The following NCOA2 variants were observed in gnomAD, a reference collection of about 807,000 sequenced individuals.
NCOA2 encodes class E basic helix-loop-helix protein 75.
In NCOA2, 21 loss-of-function variants were observed where a neutral mutation model predicts 145.1. That is an observed-to-expected ratio of 0.14 (90% CI 0.10 to 0.21). NCOA2 has a LOEUF of 0.21. Among genes scored for constraint, NCOA2 ranks in the 10% least tolerant of loss-of-function variants. NCOA2 has a pLI of 1.00. For missense variants in NCOA2, 1,472 were observed against 1,837.6 expected, an observed-to-expected ratio of 0.80 and a Z score of 3.64; for synonymous variants, 619 against 637.5, an observed-to-expected ratio of 0.97 and a Z score of 0.44.
chr8:70,360,162 C>T (rs927879424), intron 1 of NCOA2, among the ~76,000 whole-genome samples: 9 of 152,234 alleles, frequency 5.9e-5, no homozygotes, highest in African/African-American at 2.2e-4. Flanking sequence ...ATTTTAAATG[C>T]CTCCAAAATC....
chr8:70,450,014 A>G, the NCOA2 span, among the ~76,000 whole-genome samples: 1 of 148,772 alleles, frequency 6.7e-6, no homozygotes, highest in African/African-American at 2.4e-5. Flanking sequence ...CCTTTTTTTT[A>G]TTTTTAGAAA....
chr8:70,336,457 A>G (rs1014140546), intron 1 of NCOA2, among the ~76,000 whole-genome samples: 1 of 152,148 alleles, frequency 6.6e-6, no homozygotes, highest in Admixed American at 6.5e-5. Context: ...CCATTTTCAC[A>G]CTACTATAAA....
chr8:70,173,357 AG>A (rs1202384792), intron 5 of NCOA2, among the ~76,000 whole-genome samples: 1 of 152,230 alleles, frequency 6.6e-6, no homozygotes, highest in Non-Finnish European at 1.5e-5. Context: ...ACACATGTAT[AG>A]GGAAATTTCC....
chr8:70,379,317 G>T (rs752498154), intron 1 of NCOA2, among the ~76,000 whole-genome samples: 1 of 152,072 alleles, frequency 6.6e-6, no homozygotes, highest in Non-Finnish European at 1.5e-5. Flanking sequence ...TGATAAGGAC[G>T]GGACAAACCC....
the NCOA2 span, among the ~76,000 whole-genome samples, chr8:70,448,675 GA>G: frequency 6.6e-6 from 1 of 151,996 alleles, no homozygotes; most frequent in Non-Finnish European, 1.5e-5. Flanking sequence ...GCATGATGTA[GA>G]AAAAAATGTT....
chr8:70,207,010 T>C lies in NCOA2; in HGVS notation c.259+6893A>G, dbSNP rs183241252. Among the ~76,000 whole-genome samples, 492 of 152,328 alleles carry C rather than the reference T, an allele frequency of 3.2e-3. 3 individuals carry two copies. Among genetic ancestry groups the C allele is most frequent in the African/African-American group, 9.2e-3 (381 of 41,570 alleles). On this transcript the variant is annotated intron_variant, in intron 4 of 22. Coordinates refer to ENST00000452400, the MANE Select transcript of NCOA2 (RefSeq NM_006540.4). Reference sequence around the variant, plus strand: ...CCCTACAGTTCCACAGCTAGTTGTCTGAAAGCTGATTTTCCCCCAAATGAG... The same window carrying C: ...CCCTACAGTTCCACAGCTAGTTGTCCGAAAGCTGATTTTCCCCCAAATGAG...
intron 2 of NCOA2, among the ~76,000 whole-genome samples, chr8:70,233,725 A>G (rs1056197168): frequency 1.2e-4 from 18 of 152,172 alleles, no homozygotes; most frequent in Non-Finnish European, 2.5e-4. Flanking sequence ...ACAACAATCT[A>G]TAGGTCCTCC....
At chr8:70,299,084 A>G (rs1313174148) in intron 1 of NCOA2, among the ~76,000 whole-genome samples, 1 of 152,132 alleles carries the variant, frequency 6.6e-6, no homozygotes, top group African/African-American at 2.4e-5. Flanking sequence ...CAAACAAACA[A>G]AAAAAACCAG....
chr8:70,326,620 T>A (rs1362657599), intron 1 of NCOA2, among the ~76,000 whole-genome samples: 1 of 152,144 alleles, frequency 6.6e-6, no homozygotes, highest in African/African-American at 2.4e-5. Context: ...GATATATATA[T>A]AACAAATCAT....
At chr8:70,213,793 T>A in intron 4 of NCOA2, 110 bp downstream of exon 4, 1 of 864,118 alleles carries the variant, frequency 1.2e-6, no homozygotes, top group Non-Finnish European at 1.7e-6. Flanking sequence ...CATTTCCTCA[T>A]CAATAATTTA....
At chr8:70,337,209 G>C (rs1807684764) in intron 1 of NCOA2, among the ~76,000 whole-genome samples, 1 of 149,900 alleles carries the variant, frequency 6.7e-6, no homozygotes, top group Non-Finnish European at 1.5e-5. Flanking sequence ...GAGTGTGTGT[G>C]TGTGTGTGTG....
At chr8:70,328,652 T>C (rs1426846068) in intron 1 of NCOA2, among the ~76,000 whole-genome samples, 1 of 152,190 alleles carries the variant, frequency 6.6e-6, no homozygotes, top group Non-Finnish European at 1.5e-5. Flanking sequence ...TTCAAGACCA[T>C]GTACACACCT....
chr8:70,164,463 T>C (rs1813395321), intron 7 of NCOA2, among the ~76,000 whole-genome samples: 1 of 152,206 alleles, frequency 6.6e-6, no homozygotes, highest in African/African-American at 2.4e-5. Context: ...AAAGAGTTTA[T>C]TATTTTTCTT....
intron 1 of NCOA2, among the ~76,000 whole-genome samples, chr8:70,359,664 A>T (rs2130987397): frequency 6.6e-6 from 1 of 152,176 alleles, no homozygotes; most frequent in East Asian, 1.9e-4. Flanking sequence ...AATATTATGC[A>T]TGTACCAAAT....
Position 70,338,493 on chromosome 8 carries a change from G to C in NCOA2, c.-76-41693C>G, listed in dbSNP as rs534723079. Among the ~76,000 whole-genome samples, 4 of 152,208 alleles carry C rather than the reference G, an allele frequency of 2.6e-5. No individual in the cohort carries two copies. In the East Asian group the frequency reaches 7.7e-4, roughly 29 times the overall value. ...GGCCCAGGACCAGAGATTCACAGCT[G>C]AATTCTATCAGAGGTACAAAGAAGA... On this transcript the variant is annotated intron_variant, in intron 1 of 22. Coordinates refer to ENST00000452400, the MANE Select transcript of NCOA2 (RefSeq NM_006540.4).
At position 70,138,035 on chromosome 8, in the gene NCOA2, T is replaced by C. The variant is rs4074114; in HGVS notation, c.3158+168A>G. The C allele has an allele frequency of 0.019, 11,246 of 595,594 alleles. 1,018 individuals are homozygous for C. The African/African-American group carries it at 0.19, about 10-fold the overall frequency. 36.9% of individuals were successfully genotyped at this position (595,594 alleles called of 1,614,324 possible). ...AATTTGTAACTCCTTTAAAGGTATG[T>C]CCTAGGTCATACTGATTTCTGGATT... On this transcript the variant is annotated intron_variant, in intron 15 of 22. Coordinates refer to ENST00000452400, the MANE Select transcript of NCOA2 (RefSeq NM_006540.4).
chr8:70,200,793 G>A (rs542340106), intron 4 of NCOA2, among the ~76,000 whole-genome samples: 105 of 152,204 alleles, frequency 6.9e-4, no homozygotes, highest in Non-Finnish European at 1.0e-3. Flanking sequence ...GGTGGTGCAT[G>A]CCTGTAATCA....
chr8:70,411,264 A>C, the NCOA2 span, among the ~76,000 whole-genome samples: 2 of 152,204 alleles, frequency 1.3e-5, no homozygotes, highest in African/African-American at 2.4e-5. Context: ...AACATTGTAC[A>C]GGCAGTTCTA....
chr8:70,158,429 T>A (rs1282139340), intron 10 of NCOA2, among the ~76,000 whole-genome samples: 5 of 152,264 alleles, frequency 3.3e-5, no homozygotes, highest in Non-Finnish European at 7.3e-5. Flanking sequence ...TTCACTTTTT[T>A]ATGAAAATGT....
Sources: gnomAD v4.1 joint callset for allele counts (sites outside exome capture counted in the v4.1 genomes callset) on GRCh38, gnomAD v4.1.1 for gene constraint, MANE v1.5 for transcripts, NCBI Gene and HGNC (gene_info 2026-07-23, HGNC 2026-07-21) for gene names.